Variants in CNTNAP2 observed in about 807,000 individuals in gnomAD.
CNTNAP2 encodes the protein contactin associated protein 2, also known as contactin-associated protein-like 2.
A neutral mutation model predicts 155.2 loss-of-function variants in CNTNAP2; 98 were observed. That is an observed-to-expected ratio of 0.63 (90% CI 0.54 to 0.75). The LOEUF is 0.75. CNTNAP2 is among the 30% of genes least tolerant of loss of function. CNTNAP2 has a pLI of 0.00. For synonymous variants in CNTNAP2, 651 were observed against 631.2 expected (o/e 1.03, Z -0.47); for missense variants, 1,727 against 1,688.1 (o/e 1.02, Z -0.40).
chr7:147,997,177 G>T (rs1376764711), intron 15 of CNTNAP2, among the ~76,000 whole-genome samples: 1 of 152,178 alleles, frequency 6.6e-6, no homozygotes, highest in Non-Finnish European at 1.5e-5. Context: ...ACGATATTTT[G>T]TTATAGGTAG....
chr7:146,243,900 A>G (rs1263296228), intron 1 of CNTNAP2, among the ~76,000 whole-genome samples: 1 of 152,164 alleles, frequency 6.6e-6, no homozygotes, highest in African/African-American at 2.4e-5. Flanking sequence ...TGGAGATGGT[A>G]TGGAGAGATA....
intron 21 of CNTNAP2, among the ~76,000 whole-genome samples, chr7:148,312,159 A>C (rs547765165): frequency 2.0e-5 from 3 of 152,298 alleles, no homozygotes; most frequent in Non-Finnish European, 4.4e-5. Context: ...GGCTAGGCTA[A>C]AACAGTAAGG....
chr7:148,398,277 G>A (rs2116694406), intron 22 of CNTNAP2, among the ~76,000 whole-genome samples: 1 of 152,190 alleles, frequency 6.6e-6, no homozygotes, highest in East Asian at 1.9e-4. Context: ...GAATAAAAAG[G>A]ATCAACCTCA....
Position 147,890,120 on chromosome 7 carries a change from C to T in CNTNAP2, c.2099-13445C>T, listed in dbSNP as rs572600810. Among the ~76,000 whole-genome samples the T allele has an allele frequency of 9.1e-4, 138 of 152,186 alleles. 1 individual carries two copies. The highest frequency in any genetic ancestry group is 3.1e-3 in the African/African-American group (129 of 41,538). On this transcript the variant is annotated intron_variant, in intron 13 of 23. Transcript: ENST00000361727. ...ATCCCTGCACTGTGGGAGACTGAGGCGGGCAAATCACGAGGTCAGGAATTC... is the reference window on the plus strand; with the variant it reads ...ATCCCTGCACTGTGGGAGACTGAGGTGGGCAAATCACGAGGTCAGGAATTC...
At chr7:147,454,516 C>T (rs1206956842) in intron 10 of CNTNAP2, among the ~76,000 whole-genome samples, 2 of 152,016 alleles carry the variant, frequency 1.3e-5, no homozygotes, top group African/African-American at 4.8e-5. Flanking sequence ...ATTAATATTG[C>T]TAAGACAGTT....
At chr7:148,074,338 A>C (rs1031150833) in intron 15 of CNTNAP2, among the ~76,000 whole-genome samples, 4 of 152,210 alleles carry the variant, frequency 2.6e-5, no homozygotes, top group Non-Finnish European at 5.9e-5. Flanking sequence ...GACTTTGTCC[A>C]TTTGACCAGA....
Position 146,217,884 on chromosome 7 carries a change from TCTTAA to T in CNTNAP2, c.97+100916_97+100920del, listed in dbSNP as rs537724502. Among the ~76,000 whole-genome samples, 36 of 152,340 alleles carry T rather than the reference TCTTAA, an allele frequency of 2.4e-4. No homozygotes were observed. The South Asian group carries it at 3.5e-3, about 15-fold the overall frequency. Reference sequence around the variant, plus strand: ...TAAGATCAATGTAATGTTGTTCCCCTCTTAACTTATGGATACTAGGCTTAATATAT... The same window carrying T: ...TAAGATCAATGTAATGTTGTTCCCCTCTTATGGATACTAGGCTTAATATAT... On this transcript the variant is annotated intron_variant, in intron 1 of 23. Coordinates refer to ENST00000361727, the MANE Select transcript of CNTNAP2 (RefSeq NM_014141.6).
intron 1 of CNTNAP2, among the ~76,000 whole-genome samples, chr7:146,263,586 A>G (rs1018184837): frequency 1.3e-5 from 2 of 152,192 alleles, no homozygotes; most frequent in African/African-American, 4.8e-5. Context: ...CCGATTAACT[A>G]TTTAGATAAA....
chr7:147,709,405 C>T (rs1796369793), intron 13 of CNTNAP2, among the ~76,000 whole-genome samples: 1 of 152,162 alleles, frequency 6.6e-6, no homozygotes, highest in Admixed American at 6.5e-5. Flanking sequence ...TCCCAGACAA[C>T]CCAACTTGCA....
At chr7:146,472,559 C>T (rs1443550395) in intron 1 of CNTNAP2, among the ~76,000 whole-genome samples, 1 of 152,134 alleles carries the variant, frequency 6.6e-6, no homozygotes, top group Non-Finnish European at 1.5e-5. Context: ...CCAACACTTA[C>T]ATAACCATAC....
chr7:147,324,700 T>A (rs1190476567), intron 9 of CNTNAP2, among the ~76,000 whole-genome samples: 8 of 152,216 alleles, frequency 5.3e-5, no homozygotes, highest in Non-Finnish European at 1.0e-4. Context: ...TTACTTTTTT[T>A]TTCTAGTTTA....
At chr7:147,564,619 AAAC>A (rs1800131270) in intron 12 of CNTNAP2, among the ~76,000 whole-genome samples, 1 of 152,170 alleles carries the variant, frequency 6.6e-6, no homozygotes. Flanking sequence ...TTAGAAAAGA[AAAC>A]AAAACTATAA....
intron 1 of CNTNAP2, among the ~76,000 whole-genome samples, chr7:146,553,397 C>T (rs546298981): frequency 1.4e-4 from 22 of 151,872 alleles, no homozygotes; most frequent in African/African-American, 2.2e-4. Flanking sequence ...TAGTTTCTAT[C>T]GGTACCTTTA....
intron 8 of CNTNAP2, among the ~76,000 whole-genome samples, chr7:147,283,472 G>C (rs1338339405): frequency 6.6e-6 from 1 of 151,784 alleles, no homozygotes; most frequent in Non-Finnish European, 1.5e-5. Flanking sequence ...TACGCAGCAA[G>C]TAGCTACCAA....
intron 14 of CNTNAP2, among the ~76,000 whole-genome samples, chr7:147,908,912 C>T (rs1200060876): frequency 6.6e-6 from 1 of 152,156 alleles, no homozygotes; most frequent in Non-Finnish European, 1.5e-5. Context: ...CAGGATATTT[C>T]ACATCTTTGT....
chr7:146,162,353 A>C (rs1035665064), intron 1 of CNTNAP2, among the ~76,000 whole-genome samples: 1 of 152,222 alleles, frequency 6.6e-6, no homozygotes, highest in Non-Finnish European at 1.5e-5. Flanking sequence ...AAAGGATATG[A>C]ACAGACACTT....
chr7:148,001,380 T>C (rs966330691), intron 15 of CNTNAP2, among the ~76,000 whole-genome samples: 1 of 152,230 alleles, frequency 6.6e-6, no homozygotes, highest in Admixed American at 6.5e-5. Context: ...TGGCAGTGAC[T>C]CACCTAGCAG....
At chr7:147,742,514 T>A (rs1351186557) in intron 13 of CNTNAP2, among the ~76,000 whole-genome samples, 2 of 152,224 alleles carry the variant, frequency 1.3e-5, no homozygotes, top group South Asian at 2.1e-4. Flanking sequence ...GTTGTCTGCA[T>A]ATGTACCAAA....
At chr7:146,900,211 T>C (rs2129213421) in intron 3 of CNTNAP2, among the ~76,000 whole-genome samples, 1 of 152,352 alleles carries the variant, frequency 6.6e-6, no homozygotes, top group African/African-American at 2.4e-5. Flanking sequence ...GGATATTTTT[T>C]AGTGTTGTCC....
Sources: allele counts gnomAD v4.1 joint callset (sites outside exome capture counted in the v4.1 genomes callset), GRCh38; gene constraint gnomAD v4.1.1; transcripts MANE v1.5; gene names NCBI Gene and HGNC (gene_info 2026-07-23, HGNC 2026-07-21).